Variants in PTGER3 observed in about 807,000 individuals in gnomAD.
The protein encoded by PTGER3 is prostaglandin E2 receptor EP3 subtype.
PTGER3 carries 22 observed loss-of-function variants against 34.7 expected under a neutral mutation model. That is an observed-to-expected ratio of 0.63 (90% CI 0.45 to 0.91). The LOEUF is 0.91. PTGER3 is among the 40% of genes least tolerant of loss of function. The probability of loss-of-function intolerance (pLI) is 0.00; values close to 1 mark genes in which losing one functional copy is unlikely to be tolerated. For missense variants in PTGER3, 468 were observed against 519.4 expected, an observed-to-expected ratio of 0.90 and a Z score of 0.96; for synonymous variants, 241 against 230.1, an observed-to-expected ratio of 1.05 and a Z score of -0.43.
chr1:70,945,173 A>C (rs1215395669), intron 4 of PTGER3, among the ~76,000 whole-genome samples: 3 of 152,142 alleles, frequency 2.0e-5, no homozygotes, highest in Admixed American at 1.3e-4. Context: ...TCATGATATA[A>C]TTCTTATATT....
chr1:70,973,248 TAGATA>T (rs1244315947), intron 3 of PTGER3, among the ~76,000 whole-genome samples: 5 of 150,992 alleles, frequency 3.3e-5, no homozygotes, highest in African/African-American at 9.8e-5. Flanking sequence ...GATAGATAGA[TAGATA>T]GATAGATAGA....
chr1:71,010,873 T>C, intron 2 of PTGER3: 1 of 985,096 alleles, frequency 1.0e-6, no homozygotes, highest in South Asian at 4.7e-5. Context: ...CTATCAAAAT[T>C]AATTCTTTAC....
intron 1 of PTGER3, among the ~76,000 whole-genome samples, chr1:71,014,216 C>T (rs1657693543): frequency 6.6e-6 from 1 of 152,094 alleles, no homozygotes; most frequent in Non-Finnish European, 1.5e-5. Context: ...GTTCTGCCCT[C>T]AGGTCACATA....
intron 4 of PTGER3, among the ~76,000 whole-genome samples, chr1:70,920,179 A>G (rs951342857): frequency 6.6e-6 from 1 of 152,198 alleles, no homozygotes; most frequent in Admixed American, 6.5e-5. Flanking sequence ...AATGAAGAAT[A>G]TGAGTGACAA....
chr1:70,961,493 A>G (rs768098658), intron 2 of PTGER3, among the ~76,000 whole-genome samples: 1 of 152,040 alleles, frequency 6.6e-6, no homozygotes, highest in Non-Finnish European at 1.5e-5. Flanking sequence ...CTTAATCCCA[A>G]CTGGCCCTGG....
intron 4 of PTGER3, among the ~76,000 whole-genome samples, chr1:70,942,391 C>T (rs1009923894): frequency 6.6e-6 from 1 of 152,170 alleles, no homozygotes; most frequent in East Asian, 1.9e-4. Context: ...CATCTCAGTA[C>T]AAAACCTTTT....
intron 4 of PTGER3, among the ~76,000 whole-genome samples, chr1:70,934,190 G>C (rs1648990640): frequency 6.6e-6 from 1 of 152,024 alleles, no homozygotes; most frequent in African/African-American, 2.4e-5. Context: ...CTGGAAAAGG[G>C]AACAAATTAG....
At chr1:70,884,740 G>A (rs991243804) in intron 4 of PTGER3, among the ~76,000 whole-genome samples, 6 of 152,146 alleles carry the variant, frequency 3.9e-5, no homozygotes, top group African/African-American at 9.7e-5. Context: ...TCTCTAACTG[G>A]GGTGGTCTTA....
chr1:71,037,645 A>C (rs1415202548), intron 1 of PTGER3, among the ~76,000 whole-genome samples: 1 of 152,202 alleles, frequency 6.6e-6, no homozygotes, highest in Non-Finnish European at 1.5e-5. Flanking sequence ...GATTTAATCT[A>C]TTTAGAGCTA....
At chr1:70,852,500 C>A (rs563872029) in exon 5 of PTGER3, 15 of 337,290 alleles carry the variant, frequency 4.4e-5, no homozygotes, top group Non-Finnish European at 6.4e-5. Context: ...TTAAAATTAA[C>A]GATTTAGAGC....
chr1:70,980,807 C>A (rs1010108733), intron 2 of PTGER3, among the ~76,000 whole-genome samples: 1 of 152,052 alleles, frequency 6.6e-6, no homozygotes, highest in South Asian at 2.1e-4. Context: ...AATTCCCTGG[C>A]CCACAACTTC....
downstream of PTGER3, among the ~76,000 whole-genome samples, chr1:70,948,869 C>G (rs1183909774): frequency 6.6e-5 from 10 of 152,170 alleles, no homozygotes; most frequent in Non-Finnish European, 1.5e-5. Flanking sequence ...CCTACTCTCT[C>G]TGTGGATGAG....
At chr1:70,876,489 T>C (rs569769875) in intron 4 of PTGER3, among the ~76,000 whole-genome samples, 1 of 152,086 alleles carries the variant, frequency 6.6e-6, no homozygotes, top group Non-Finnish European at 1.5e-5. Context: ...CAGTTTTGTT[T>C]TTGTTGCAAT....
chr1:71,028,221 T>C lies in PTGER3; in HGVS notation c.898-15737A>G, dbSNP rs116660376. 7.8e-3 allele frequency among the ~76,000 whole-genome samples: 1,183 copies of C among 151,916 alleles called. 20 individuals carry two copies. The highest frequency in any genetic ancestry group is 0.027 in the African/African-American group (1,136 of 41,356). On this transcript the variant is annotated intron_variant, in intron 1 of 3. Coordinates refer to ENST00000306666, the MANE Select transcript of PTGER3 (RefSeq NM_198719.2). ...TGTGACCCCATACTAGCTAATGAGA[T>C]CCAACAGTTTCCTCGTTTTTAAGAG...
intron 1 of PTGER3, among the ~76,000 whole-genome samples, chr1:71,021,843 GC>G (rs756862903): frequency 2.0e-5 from 3 of 151,730 alleles, no homozygotes; most frequent in East Asian, 3.9e-4. Flanking sequence ...ATAGAGCACT[GC>G]TTAAACTATG....
chr1:70,927,088 T>A (rs1648168866), intron 4 of PTGER3, among the ~76,000 whole-genome samples: 1 of 152,210 alleles, frequency 6.6e-6, no homozygotes, highest in Non-Finnish European at 1.5e-5. Context: ...TTTGCCAGTA[T>A]TTTATTGGGG....
At chr1:71,046,078 G>A (rs986907752) in intron 1 of PTGER3, among the ~76,000 whole-genome samples, 7 of 151,170 alleles carry the variant, frequency 4.6e-5, no homozygotes, top group Admixed American at 2.0e-4. Flanking sequence ...TGGATCACGA[G>A]GTCAGGAGAT....
chr1:70,963,011 G>C (rs1157463608), intron 2 of PTGER3, among the ~76,000 whole-genome samples: 1 of 152,178 alleles, frequency 6.6e-6, no homozygotes, highest in African/African-American at 2.4e-5. Flanking sequence ...GGTAAATACA[G>C]CTATTCCACA....
chr1:70,863,219 AG>A (rs1028547077), intron 4 of PTGER3, among the ~76,000 whole-genome samples: 1 of 152,032 alleles, frequency 6.6e-6, no homozygotes, highest in Admixed American at 6.6e-5. Context: ...TCTTTGCCCA[AG>A]ATGTGATCCG....
Sources: allele counts gnomAD v4.1 joint callset (sites outside exome capture counted in the v4.1 genomes callset), GRCh38; gene constraint gnomAD v4.1.1; transcripts MANE v1.5; gene names NCBI Gene and HGNC (gene_info 2026-07-23, HGNC 2026-07-21).